CPVL: variants seen among roughly 807,000 people sequenced by gnomAD.
The protein encoded by CPVL is carboxypeptidase vitellogenic like, also known as probable serine carboxypeptidase CPVL.
A neutral mutation model predicts 63.7 loss-of-function variants in CPVL; 51 were observed. That is an observed-to-expected ratio of 0.80 (90% CI 0.64 to 1.01). The LOEUF is 1.01. CPVL is among the 50% of genes least tolerant of loss of function. The pLI, the probability that CPVL is intolerant of heterozygous loss-of-function variation, is 0.00. For synonymous variants in CPVL, 195 were observed against 206.0 expected, an observed-to-expected ratio of 0.95 and a Z score of 0.46; for missense variants, 530 against 573.1, an observed-to-expected ratio of 0.92 and a Z score of 0.77.
intron 12 of CPVL, among the ~76,000 whole-genome samples, chr7:29,017,565 G>A (rs186472787): frequency 2.6e-5 from 4 of 152,286 alleles, no homozygotes; most frequent in Admixed American, 2.0e-4. Context: ...CCTGGGAGGT[G>A]GAGGTTGCAG....
intron 11 of CPVL, among the ~76,000 whole-genome samples, chr7:29,051,937 T>G (rs1562742277): frequency 1.1e-5 from 1 of 89,188 alleles, no homozygotes; most frequent in East Asian, 3.8e-4. Flanking sequence ...ATATTCCAAA[T>G]ATATATATGA....
chr7:29,075,487 A>G (rs1326688120), intron 7 of CPVL, among the ~76,000 whole-genome samples: 1 of 148,212 alleles, frequency 6.7e-6, no homozygotes, highest in East Asian at 2.0e-4. Flanking sequence ...CATTTCAGTC[A>G]ACGAAATCTT....
chr7:29,105,146 T>G (rs779109002), intron 3 of CPVL, among the ~76,000 whole-genome samples: 2 of 152,186 alleles, frequency 1.3e-5, no homozygotes, highest in South Asian at 2.1e-4. Context: ...TTGAGATATA[T>G]TTTAATAAAT....
intron 11 of CPVL, among the ~76,000 whole-genome samples, chr7:29,042,511 G>C (rs1284981929): frequency 6.6e-6 from 1 of 152,046 alleles, no homozygotes; most frequent in Non-Finnish European, 1.5e-5. Context: ...AGGCTGAGGT[G>C]AGAGGGTCTT....
chr7:29,112,918 A>G (rs975870215), intron 2 of CPVL, 96 bp from the exon 3 acceptor site: 1 of 849,222 alleles, frequency 1.2e-6, no homozygotes, highest in Non-Finnish European at 2.0e-6. Flanking sequence ...TGGAGTGATT[A>G]GATAAGCTAA....
chr7:29,057,396 A>G (rs1790848898), intron 11 of CPVL, among the ~76,000 whole-genome samples: 1 of 152,232 alleles, frequency 6.6e-6, no homozygotes, highest in Non-Finnish European at 1.5e-5. Flanking sequence ...TTTGGTTAAC[A>G]GTCCATTATC....
chr7:29,063,002 C>T (rs1440807659), intron 11 of CPVL, among the ~76,000 whole-genome samples: 1 of 152,154 alleles, frequency 6.6e-6, no homozygotes, highest in Admixed American at 6.5e-5. Context: ...CAAAGGCTAA[C>T]AGCACTGGAG....
chr7:29,028,105 C>T (rs531280628), intron 12 of CPVL, among the ~76,000 whole-genome samples: 90 of 152,264 alleles, frequency 5.9e-4, no homozygotes, highest in Admixed American at 9.2e-4. Context: ...GCACATAGAC[C>T]AATGGCACAG....
chr7:29,022,209 T>G (rs1787062537), intron 12 of CPVL, among the ~76,000 whole-genome samples: 1 of 152,048 alleles, frequency 6.6e-6, no homozygotes, highest in South Asian at 2.1e-4. Flanking sequence ...GCCTGCCTCT[T>G]GGCCCAAGGA....
chr7:29,140,029 C>A (rs1791687894), intron 1 of CPVL, among the ~76,000 whole-genome samples: 1 of 152,152 alleles, frequency 6.6e-6, no homozygotes, highest in South Asian at 2.1e-4. Flanking sequence ...ATTTCACGTT[C>A]TACATTTCTT....
chr7:29,025,753 G>C (rs1434428016), intron 12 of CPVL, among the ~76,000 whole-genome samples: 1 of 152,126 alleles, frequency 6.6e-6, no homozygotes, highest in Non-Finnish European at 1.5e-5. Context: ...TTTCAATTTA[G>C]CAAGAGGATA....
At chr7:29,195,011 C>G in intron 1 of CPVL, 2 of 1,582,036 alleles carry the variant, frequency 1.3e-6, no homozygotes, top group Non-Finnish European at 1.7e-6. Flanking sequence ...GCCCGTCGGG[C>G]GCTGCTGCCG....
At chr7:29,189,374 A>G (rs1346830968) in intron 1 of CPVL, among the ~76,000 whole-genome samples, 1 of 152,164 alleles carries the variant, frequency 6.6e-6, no homozygotes, top group Non-Finnish European at 1.5e-5. Flanking sequence ...TAGAGAATGA[A>G]TATATTGGAT....
At chr7:29,042,069 GAAGT>G (rs373045854) in intron 11 of CPVL, among the ~76,000 whole-genome samples, 2,201 of 152,090 alleles carry the variant, frequency 0.014, 55 homozygotes, top group African/African-American at 0.051. Context: ...CAATAGCTGC[GAAGT>G]AACAGAAGTA....
At chr7:29,100,977 A>T (rs1323756875) in intron 3 of CPVL, among the ~76,000 whole-genome samples, 2 of 152,214 alleles carry the variant, frequency 1.3e-5, no homozygotes, top group African/African-American at 4.8e-5. Flanking sequence ...GACTTTTGTA[A>T]TATAATATGG....
chr7:29,029,293 C>T (rs1365323807), intron 12 of CPVL, among the ~76,000 whole-genome samples: 1 of 152,056 alleles, frequency 6.6e-6, no homozygotes, highest in Non-Finnish European at 1.5e-5. Context: ...GCAGCAATTC[C>T]ACTACTTGAT....
chr7:29,119,359 T>C (rs1369565614), intron 2 of CPVL, among the ~76,000 whole-genome samples: 2 of 152,074 alleles, frequency 1.3e-5, no homozygotes, highest in Admixed American at 6.5e-5. Context: ...TGGTAGCACA[T>C]GCCTGTAGTT....
intron 1 of CPVL, among the ~76,000 whole-genome samples, chr7:29,125,424 G>T (rs180742069): frequency 8.5e-6 from 1 of 117,836 alleles, no homozygotes. Flanking sequence ...ACAGAGTCTC[G>T]CTCTGTCACC....
At chr7:29,179,818 G>T (rs1797838032) in intron 5 of CPVL, among the ~76,000 whole-genome samples, 1 of 152,104 alleles carries the variant, frequency 6.6e-6, no homozygotes, top group African/African-American at 2.4e-5. Flanking sequence ...GTTTTCTTAT[G>T]CTTTGCAAAA....
Sources: gnomAD v4.1 joint callset for allele counts (sites outside exome capture counted in the v4.1 genomes callset) on GRCh38, gnomAD v4.1.1 for gene constraint, MANE v1.5 for transcripts, NCBI Gene and HGNC (gene_info 2026-07-23, HGNC 2026-07-21) for gene names.